CPNE5: variants seen among roughly 807,000 people sequenced by gnomAD.
CPNE5 encodes copine-5.
Under a neutral mutation model 81.1 loss-of-function variants are expected in CPNE5, and 42 were observed. The observed-to-expected ratio is 0.52, with a 90% confidence interval of 0.40 to 0.67. The LOEUF (loss-of-function observed/expected upper bound fraction) is 0.67. Among genes scored for constraint, CPNE5 ranks in the 30% least tolerant of loss-of-function variants. CPNE5 has a pLI of 0.00. For synonymous variants in CPNE5, 313 were observed against 321.5 expected, an observed-to-expected ratio of 0.97 and a Z score of 0.28; for missense variants, 612 against 815.5, an observed-to-expected ratio of 0.75 and a Z score of 3.04.
intron 3 of CPNE5, among the ~76,000 whole-genome samples, chr6:36,816,380 A>C (rs949177928): frequency 6.6e-6 from 1 of 152,354 alleles, no homozygotes; most frequent in East Asian, 1.9e-4. Flanking sequence ...AGAAGGCATA[A>C]AAATGACCCA....
Position 36,742,167 on chromosome 6 carries a change from T to A in CPNE5, c.*101A>T, listed in dbSNP as rs1263722029. 1 of 871,332 alleles carries A rather than the reference T, an allele frequency of 1.1e-6. No homozygotes were observed. The highest frequency in any genetic ancestry group is 2.6e-5 in the East Asian group (1 of 37,792). 54.0% of individuals were successfully genotyped at this position (871,332 alleles called of 1,614,324 possible). On this transcript the variant is annotated 3_prime_UTR_variant, in exon 21 of 21. Coordinates refer to ENST00000244751, the MANE Select transcript of CPNE5 (RefSeq NM_020939.2). ...TGGCAGCCTCCCAGGCACACAGATG[T>A]CCCAAAGGCCGGGCAGGCCAACTTC...
At chr6:36,797,091 G>C (rs1443853844) in intron 6 of CPNE5, among the ~76,000 whole-genome samples, 1 of 152,210 alleles carries the variant, frequency 6.6e-6, no homozygotes, top group African/African-American at 2.4e-5. Context: ...ATTTTTAGTA[G>C]AGACAGGGTT....
intron 1 of CPNE5, among the ~76,000 whole-genome samples, chr6:36,831,799 C>T (rs932979178): frequency 3.9e-5 from 6 of 152,144 alleles, no homozygotes; most frequent in Non-Finnish European, 8.8e-5. Flanking sequence ...GACTTAATCT[C>T]TTTAGTCTTC....
intron 14 of CPNE5, among the ~76,000 whole-genome samples, chr6:36,749,891 A>G (rs539848347): frequency 6.8e-4 from 103 of 152,336 alleles, no homozygotes; most frequent in Non-Finnish European, 1.2e-3. Flanking sequence ...GGGCTTGGCC[A>G]TTCTAGGTTC....
In CPNE5 at chr6:36,746,619, C is replaced by T. The variant is rs767118629; in HGVS notation, c.1019-42G>A. 21 of 1,562,458 alleles carry T rather than the reference C, an allele frequency of 1.3e-5. No individual in the cohort carries two copies. The highest frequency in any genetic ancestry group is 1.7e-5 in the Non-Finnish European group (20 of 1,157,954). On this transcript the variant is annotated intron_variant, in intron 15 of 20. Coordinates refer to ENST00000244751, the MANE Select transcript of CPNE5 (RefSeq NM_020939.2). This position sits in a 1 kb window ranked among gnomAD's most constrained non-coding sequence, Gnocchi z 4.5. ...GGGAGCCTTTGACCATCTGGACCCT[C>T]CAAGTCACCCCGGGTTCAGAATGAA...
chr6:36,810,455 A>G (rs1038017522), intron 3 of CPNE5, among the ~76,000 whole-genome samples: 1 of 152,250 alleles, frequency 6.6e-6, no homozygotes, highest in African/African-American at 2.4e-5. Context: ...GATTAAAATT[A>G]GAGGCCAGAA....
intron 12 of CPNE5, among the ~76,000 whole-genome samples, chr6:36,761,503 G>A (rs994704908): frequency 6.6e-6 from 1 of 152,208 alleles, no homozygotes; most frequent in Non-Finnish European, 1.5e-5. Flanking sequence ...GCAAAGGAGT[G>A]GGGGTAGCAT....
chr6:36,790,796 G>C (rs1769023248), intron 8 of CPNE5, among the ~76,000 whole-genome samples: 1 of 152,106 alleles, frequency 6.6e-6, no homozygotes, highest in African/African-American at 2.4e-5. Context: ...GCCCGCCTCG[G>C]CCTCCCAAAG....
intron 10 of CPNE5, among the ~76,000 whole-genome samples, chr6:36,773,266 C>A (rs1423741752): frequency 6.6e-6 from 1 of 152,130 alleles, no homozygotes; most frequent in Non-Finnish European, 1.5e-5. Context: ...TGCCCATGAG[C>A]CCCCTACCAC....
chr6:36,822,635 G>C (rs939229182), intron 2 of CPNE5, among the ~76,000 whole-genome samples: 7 of 152,124 alleles, frequency 4.6e-5, no homozygotes, highest in African/African-American at 1.7e-4. Flanking sequence ...ATTATCATCA[G>C]CCCCACTTTA....
chr6:36,772,057 G>A (rs769637579), intron 10 of CPNE5, among the ~76,000 whole-genome samples: 8 of 152,038 alleles, frequency 5.3e-5, no homozygotes, highest in Non-Finnish European at 1.0e-4. Flanking sequence ...GTGAAGCCAG[G>A]CCTCCGAGCC....
At chr6:36,762,866 T>C (rs1050156111) in intron 12 of CPNE5, 51 bp downstream of exon 12, 3 of 1,460,350 alleles carry the variant, frequency 2.1e-6, no homozygotes, top group Non-Finnish European at 2.9e-6. Flanking sequence ...CAGTCCTCAG[T>C]GACTGGGCCA....
At position 36,794,567 on chromosome 6, in the gene CPNE5, GCC is replaced by G. The variant is rs774394587; in HGVS notation, c.464+21_464+22del. 2.5e-6 allele frequency: 4 copies of G among 1,612,234 alleles called. No homozygotes were observed. In the South Asian group the frequency reaches 3.3e-5, roughly 13 times the overall value. ...TGGCTGAATGTCTAAGGACTCCAGGGCCAGAGATGTCTGGCAACGTACCCGTT... is the reference window on the plus strand; with the variant it reads ...TGGCTGAATGTCTAAGGACTCCAGGGAGAGATGTCTGGCAACGTACCCGTT... On this transcript the variant is annotated intron_variant, in intron 7 of 20. Coordinates refer to ENST00000244751, the MANE Select transcript of CPNE5 (RefSeq NM_020939.2).
intron 10 of CPNE5, among the ~76,000 whole-genome samples, chr6:36,769,529 T>C (rs1766871113): frequency 6.6e-6 from 1 of 152,146 alleles, no homozygotes; most frequent in South Asian, 2.1e-4. Flanking sequence ...AGGGGGAAGG[T>C]TTCCCTGCGG....
intron 1 of CPNE5, among the ~76,000 whole-genome samples, chr6:36,826,898 G>A (rs1436884133): frequency 1.3e-5 from 2 of 152,138 alleles, no homozygotes; most frequent in African/African-American, 4.8e-5. Context: ...AGTGGGGGGT[G>A]GGGCACAGTA....
intron 10 of CPNE5, 62 bp from the exon 11 acceptor site, chr6:36,765,438 G>A: frequency 2.5e-6 from 4 of 1,600,554 alleles, no homozygotes; most frequent in Non-Finnish European, 3.4e-6. Flanking sequence ...CTGAGGATGG[G>A]GCCCTCTTCA....
At chr6:36,758,415 A>ATTTTTTT (rs72371807) in intron 12 of CPNE5, among the ~76,000 whole-genome samples, 10 of 140,278 alleles carry the variant, frequency 7.1e-5, no homozygotes, top group Middle Eastern at 3.7e-3. Flanking sequence ...ATGTCTGGCT[A>ATTTTTTT]TTTTTTTTTT....
intron 11 of CPNE5, among the ~76,000 whole-genome samples, chr6:36,764,931 G>A (rs1459217090): frequency 6.6e-6 from 1 of 151,692 alleles, no homozygotes; most frequent in Non-Finnish European, 1.5e-5. Flanking sequence ...TGCTTAGCCC[G>A]AGTCTTCACG....
At chr6:36,814,926 G>C (rs1771406403) in intron 3 of CPNE5, among the ~76,000 whole-genome samples, 1 of 152,094 alleles carries the variant, frequency 6.6e-6, no homozygotes, top group Admixed American at 6.6e-5. Context: ...CAGCACTTTG[G>C]GAGGCCAAGG....
Sources: gnomAD v4.1 joint callset for allele counts (sites outside exome capture counted in the v4.1 genomes callset) on GRCh38, gnomAD v4.1.1 for gene constraint, Gnocchi (gnomAD v3.1) non-coding constraint, MANE v1.5 for transcripts, NCBI Gene and HGNC (gene_info 2026-07-23, HGNC 2026-07-21) for gene names.